TMEM267: variants seen among roughly 807,000 people sequenced by gnomAD.
TMEM267 encodes the protein transmembrane protein 267, also known as transmembrane protein C5orf28.
A neutral mutation model predicts 19.3 loss-of-function variants in TMEM267; 20 were observed. The ratio of observed to expected loss-of-function variants is 1.04; its 90% CI spans 0.73 to 1.51. The LOEUF (loss-of-function observed/expected upper bound fraction) is 1.51. TMEM267 is among the 40% of genes most tolerant of loss of function. The pLI is 0.00. For synonymous variants in TMEM267, 88 were observed against 90.3 expected (o/e 0.97, Z 0.15); for missense variants, 242 against 261.9 (o/e 0.92, Z 0.52).
At chr5:43,460,376 G>C (rs1262489754) in intron 1 of TMEM267, among the ~76,000 whole-genome samples, 1 of 151,936 alleles carries the variant, frequency 6.6e-6, no homozygotes, top group Non-Finnish European at 1.5e-5. Flanking sequence ...CCACATATTT[G>C]AATTAGGGAG....
At chr5:43,455,893 T>C (rs2112063404) in intron 1 of TMEM267, among the ~76,000 whole-genome samples, 1 of 152,100 alleles carries the variant, frequency 6.6e-6, no homozygotes, top group East Asian at 1.9e-4. Flanking sequence ...TGGAGTGTAG[T>C]GGCACAGTTA....
At chr5:43,484,324 C>T (rs927126190), upstream of TMEM267, 10 of 152,268 alleles carry the variant, frequency 6.6e-5, no homozygotes, top group African/African-American at 1.7e-4. Context: ...GGCCAACTTC[C>T]TTCCGCGAAG....
At chr5:43,482,445 C>CTG (rs1744843083) in intron 1 of TMEM267, among the ~76,000 whole-genome samples, 1 of 152,140 alleles carries the variant, frequency 6.6e-6, no homozygotes, top group African/African-American at 2.4e-5. Flanking sequence ...ACTTCCTATT[C>CTG]CTCCCCCTAC....
intron 1 of TMEM267, among the ~76,000 whole-genome samples, chr5:43,470,344 T>C (rs1490968485): frequency 6.6e-6 from 1 of 152,222 alleles, no homozygotes; most frequent in Non-Finnish European, 1.5e-5. Context: ...GGTTTCACCA[T>C]GTTGGCCAGG....
At chr5:43,472,041 T>A (rs1176661501) in intron 1 of TMEM267, among the ~76,000 whole-genome samples, 1 of 152,010 alleles carries the variant, frequency 6.6e-6, no homozygotes, top group African/African-American at 2.4e-5. Flanking sequence ...AAATTACCCA[T>A]CTGACAAAGG....
In TMEM267 at chr5:43,444,425, C is replaced by T. The variant is rs190976120; in HGVS notation, c.*1797G>A. On this transcript the variant is annotated 3_prime_UTR_variant, in exon 3 of 3. Transcript: ENST00000397080. The stretch of plus-strand genomic sequence containing the variant: ...GAATAGCTGAAACTACAGGTGCACA[C>T]CAGCACGCCCAGTTAATTTTTGTAT... 1 of 152,282 alleles carries T rather than the reference C, an allele frequency of 6.6e-6. No individual in the cohort carries two copies. Among genetic ancestry groups the T allele is most frequent in the Admixed American group, 6.5e-5 (1 of 15,288 alleles). 9.4% of individuals were successfully genotyped at this position (152,282 alleles called of 1,614,324 possible).
intron 1 of TMEM267, among the ~76,000 whole-genome samples, chr5:43,461,673 G>C (rs1460655156): frequency 2.0e-5 from 3 of 152,200 alleles, no homozygotes; most frequent in African/African-American, 7.2e-5. Context: ...ACCTGGGGTG[G>C]TGGTGGCTAT....
chr5:43,451,194 C>T (rs1378500065), intron 2 of TMEM267, among the ~76,000 whole-genome samples: 1 of 152,002 alleles, frequency 6.6e-6, no homozygotes, highest in Non-Finnish European at 1.5e-5. Context: ...AACAACCCCA[C>T]AAGGTAAGTA....
At chr5:43,450,443 A>C (rs1250448495) in intron 2 of TMEM267, among the ~76,000 whole-genome samples, 5 of 152,236 alleles carry the variant, frequency 3.3e-5, no homozygotes, top group Admixed American at 1.3e-4. Flanking sequence ...TGGTGGATGT[A>C]AAATATTTTA....
intron 1 of TMEM267, among the ~76,000 whole-genome samples, chr5:43,478,597 A>G (rs1291613045): frequency 6.6e-6 from 1 of 152,192 alleles, no homozygotes; most frequent in Non-Finnish European, 1.5e-5. Context: ...GGCAAAGTTA[A>G]AGACAAATAA....
At chr5:43,454,705 A>C (rs543934050) in intron 1 of TMEM267, 1 of 152,300 alleles carries the variant, frequency 6.6e-6, no homozygotes, top group South Asian at 2.1e-4. Context: ...TCTCAGAGCT[A>C]CCCTAGATCT....
upstream of TMEM267, chr5:43,484,226 G>A (rs1035916934): frequency 6.6e-6 from 1 of 152,250 alleles, no homozygotes; most frequent in African/African-American, 2.4e-5. Context: ...TAGAAAAGTG[G>A]CCTCCCCGAA....
At chr5:43,480,229 A>G (rs764019182) in intron 1 of TMEM267, among the ~76,000 whole-genome samples, 12 of 152,180 alleles carry the variant, frequency 7.9e-5, no homozygotes, top group Non-Finnish European at 1.5e-4. Context: ...AGGTATGAGA[A>G]GAACCTAGGC....
intron 2 of TMEM267, among the ~76,000 whole-genome samples, chr5:43,448,793 C>A (rs977118048): frequency 1.6e-4 from 24 of 150,350 alleles, no homozygotes; most frequent in African/African-American, 4.4e-4. Flanking sequence ...AACCCCCCCC[C>A]ACAAAAAAAA....
At chr5:43,479,165 C>A (rs1027585136) in intron 1 of TMEM267, among the ~76,000 whole-genome samples, 1 of 151,784 alleles carries the variant, frequency 6.6e-6, no homozygotes, top group South Asian at 2.1e-4. Context: ...TACTTATTCT[C>A]ATATTTACTG....
At chr5:43,462,142 G>A (rs944485507) in intron 1 of TMEM267, among the ~76,000 whole-genome samples, 1 of 152,186 alleles carries the variant, frequency 6.6e-6, no homozygotes, top group African/African-American at 2.4e-5. Context: ...GTCCTAGCCT[G>A]GTAATCCAGA....
At chr5:43,472,142 A>G (rs1414027569) in intron 1 of TMEM267, among the ~76,000 whole-genome samples, 6 of 152,242 alleles carry the variant, frequency 3.9e-5, no homozygotes, top group East Asian at 1.9e-4. Flanking sequence ...ATTTGAATAG[A>G]CATTTCTCAA....
chr5:43,477,311 G>A (rs995491246), intron 1 of TMEM267, among the ~76,000 whole-genome samples: 1 of 150,964 alleles, frequency 6.6e-6, no homozygotes, highest in East Asian at 2.0e-4. Flanking sequence ...GACACAGGCC[G>A]GGGGCGGTGG....
Position 43,453,909 on chromosome 5 carries a change from T to C in TMEM267, c.61A>G (p.Ile21Val). ...LLQTCSTESL[I>V]SSLGLGAFCL... ...AATGCCCCCAGACCAAGGCTGGAAA[T>C]AAGAGATTCAGTGCTACAAGTCTGC... Residue 21 changes from isoleucine (I) to valine (V), a missense_variant, in exon 2 of 3, where the codon ATT becomes GTT. By Grantham distance (29) the Ile-to-Val change is conservative. Coordinates refer to ENST00000397080, the MANE Select transcript of TMEM267 (RefSeq NM_022483.5). The C allele has an allele frequency of 6.2e-7, 1 of 1,614,010 alleles. No individual in the cohort carries two copies. The highest frequency in any genetic ancestry group is 1.3e-5 in the African/African-American group (1 of 75,000).
Sources: gnomAD v4.1 joint callset for allele counts (sites outside exome capture counted in the v4.1 genomes callset) on GRCh38, gnomAD v4.1.1 for gene constraint, MANE v1.5 for transcripts, NCBI Gene and HGNC (gene_info 2026-07-23, HGNC 2026-07-21) for gene names.